Variants in CARD16 observed in about 807,000 individuals in gnomAD.
CARD16 encodes the protein caspase recruitment domain family member 16, also known as caspase recruitment domain-containing protein 16.
CARD16 carries 8 observed loss-of-function variants against 11.9 expected under a neutral mutation model. The ratio of observed to expected loss-of-function variants is 0.67; its 90% confidence interval spans 0.39 to 1.21. The LOEUF is 1.21. Among genes scored for constraint, CARD16 ranks in the 50% most tolerant of loss-of-function variants. The pLI, the probability that CARD16 is intolerant of heterozygous loss-of-function variation, is 0.01. For synonymous variants in CARD16, 44 were observed against 43.8 expected, an observed-to-expected ratio of 1.00 and a Z score of -0.02; for missense variants, 131 against 118.1, an observed-to-expected ratio of 1.11 and a Z score of -0.51.
rs1268425887 is a variant in CARD16 at position 105,041,610 on chromosome 11, C to T, written c.*153G>A. Reference sequence around the variant, plus strand: ...TTGTATTCTGAACATGGCACCTCTGCAACTTTTGTTTCCATATCCTTTGAG... The same window carrying T: ...TTGTATTCTGAACATGGCACCTCTGTAACTTTTGTTTCCATATCCTTTGAG... On this transcript the variant is annotated 3_prime_UTR_variant, in exon 4 of 4. Coordinates refer to ENST00000673097, the MANE Select transcript of CARD16 (RefSeq NM_052889.4). The T allele has an allele frequency of 6.2e-7, 1 of 1,614,068 alleles. No individual in the cohort carries two copies. Among genetic ancestry groups the T allele is most frequent in the Admixed American group, 1.7e-5 (1 of 59,992 alleles).
intron 3 of CARD16, among the ~76,000 whole-genome samples, chr11:105,041,998 T>C (rs1864120296): frequency 6.6e-6 from 1 of 152,168 alleles, no homozygotes; most frequent in Non-Finnish European, 1.5e-5. Context: ...CCATGCATGA[T>C]AAAACACTCA....
In CARD16 at chr11:105,044,656, T is replaced by C. The variant is rs752550232; in HGVS notation, c.10A>G (p.Lys4Glu). ...AGCTTTCTCTTCTCCTTCAGGACCT[T>C]GTCTGTTTGGAGCACAAGGATTTCT... MAD[K>E]VLKEKRKLFI... The change falls in exon 2 of 4, where the codon AAG (lysine) becomes GAG (glutamate). Residue 4 changes from lysine (K) to glutamate (E), a missense_variant and splice_region_variant. Lys to Glu is a moderately conservative substitution (Grantham distance 56). Coordinates refer to ENST00000673097, the MANE Select transcript of CARD16 (RefSeq NM_052889.4). 3 of 1,613,948 alleles carry C rather than the reference T, an allele frequency of 1.9e-6. No individual in the cohort carries two copies. Among genetic ancestry groups the C allele is most frequent in the Non-Finnish European group, 2.5e-6 (3 of 1,179,856 alleles).
chr11:105,044,931 T>C (rs1864173149), intron 1 of CARD16: 3 of 629,472 alleles, frequency 4.8e-6, no homozygotes, highest in Non-Finnish European at 8.2e-6. Context: ...TTTATTTAAC[T>C]CTGAATAATA....
intron 2 of CARD16, 57 bp from the exon 3 acceptor site, chr11:105,043,602 A>G: frequency 8.3e-7 from 1 of 1,208,704 alleles, no homozygotes; most frequent in Non-Finnish European, 1.2e-6. Context: ...AAAACTTTAC[A>G]GCAATGCATA....
In CARD16 at chr11:105,044,568, C is replaced by T. The variant is rs992599677; in HGVS notation, c.98G>A (p.Arg33Lys). The T allele has an allele frequency of 6.2e-7, 1 of 1,614,142 alleles. No homozygotes were observed. ...CTCCATCTCTTCCTGGTTCAGCACC[C>T]TTGTCTGTAATAATTCATCCAGTAA... is the stretch of plus-strand genomic sequence containing the variant. ...NGLLDELLQTRVLNQEEMEKV... is the reference protein window; with the variant it reads ...NGLLDELLQTKVLNQEEMEKV... Residue 33 changes from arginine (R) to lysine (K), a missense_variant, in exon 2 of 4, where the codon AGG (arginine) becomes AAG (lysine). Coordinates refer to ENST00000673097, the MANE Select transcript of CARD16 (RefSeq NM_052889.4).
chr11:105,042,513 G>A (rs907440027), intron 3 of CARD16, among the ~76,000 whole-genome samples: 6 of 152,060 alleles, frequency 3.9e-5, no homozygotes, highest in African/African-American at 1.4e-4. Context: ...GATATCCAGA[G>A]GATCTTTTAG....
chr11:105,041,629 C>G lies in CARD16; in HGVS notation c.*134G>C, dbSNP rs1565232378. ...CCTCTGCAACTTTTGTTTCCATATC[C>G]TTTGAGCGTCTTCTAGAAAGCAAAG... is the stretch of plus-strand genomic sequence containing the variant. On this transcript the variant is annotated 3_prime_UTR_variant, in exon 4 of 4. Transcript: ENST00000673097. 6.2e-7 allele frequency: 1 copy of G among 1,614,006 alleles called. No homozygotes were observed. The highest frequency in any genetic ancestry group is 1.7e-5 in the Admixed American group (1 of 59,990).
At chr11:105,044,335 A>G in intron 2 of CARD16, 57 bp downstream of exon 2, 1 of 1,610,130 alleles carries the variant, frequency 6.2e-7, no homozygotes, top group East Asian at 2.2e-5. Context: ...AAGAAATCAA[A>G]TGTTAGGCAC....
chr11:105,042,685 A>T (rs1274132579), intron 3 of CARD16, among the ~76,000 whole-genome samples: 1 of 152,188 alleles, frequency 6.6e-6, no homozygotes, highest in African/African-American at 2.4e-5. Context: ...TTAGTAGAAG[A>T]AATGTTTGGT....
intron 2 of CARD16, chr11:105,043,811 C>A: frequency 2.6e-6 from 1 of 390,984 alleles, no homozygotes; most frequent in Non-Finnish European, 4.6e-6. Context: ...GTATGATCTG[C>A]AGCTTGGCAA....
rs1270025034 is a variant in CARD16 at position 105,044,979 on chromosome 11, C to A, written c.7+312G>T. The A allele has an allele frequency of 1.2e-5, 7 of 598,054 alleles. No individual in the cohort carries two copies. The East Asian group carries it at 1.4e-4, about 12-fold the overall frequency. The allele number at this position is 598,054 out of a possible 1,614,324, so 37.0% of individuals were successfully genotyped here. The stretch of plus-strand genomic sequence containing the variant: ...AGAAATAGCCCATTTCATTTAGGAA[C>A]CACTGCTGCTAGTACTCCTCCTGTG... On this transcript the variant is annotated intron_variant, in intron 1 of 3. Coordinates refer to ENST00000673097, the MANE Select transcript of CARD16 (RefSeq NM_052889.4).
At chr11:105,044,752 G>A in intron 1 of CARD16, 94 bp from the exon 2 acceptor site, 2 of 1,548,798 alleles carry the variant, frequency 1.3e-6, no homozygotes, top group South Asian at 1.2e-5. Flanking sequence ...GATTTCATCA[G>A]TGAAATGTCC....
chr11:105,041,702 C>A lies in CARD16; in HGVS notation c.*61G>T. 1 of 1,613,782 alleles carries A rather than the reference C, an allele frequency of 6.2e-7. No individual in the cohort carries two copies. Among genetic ancestry groups the A allele is most frequent in the East Asian group, 2.2e-5 (1 of 44,876 alleles). ...GAGCATGTGGGCATAGCTGGGTTGT[C>A]CTGCACTGCCTGAAGAGCTGCAAGA... is the stretch of plus-strand genomic sequence containing the variant. On this transcript the variant is annotated 3_prime_UTR_variant, in exon 4 of 4. Transcript: ENST00000673097.
chr11:105,041,754 T>C, intron 3 of CARD16, 35 bp from the exon 4 acceptor site: 3 of 1,598,256 alleles, frequency 1.9e-6, no homozygotes, highest in Non-Finnish European at 2.6e-6. Context: ...AACAGTGGTA[T>C]CCCTCTTTGT....
chr11:105,043,557 T>C lies in CARD16; in HGVS notation c.275-12A>G, dbSNP rs1864145470. 1.3e-6 allele frequency: 2 copies of C among 1,589,022 alleles called. No homozygotes were observed. Among genetic ancestry groups the C allele is most frequent in the Non-Finnish European group, 1.7e-6 (2 of 1,158,534 alleles). ...TCCAGGTATCGGACCTATAAAAAGA[T>C]GAAGAACATTGAAATAGCCACTTAT... is the stretch of plus-strand genomic sequence containing the variant. On this transcript the variant is annotated splice_polypyrimidine_tract_variant and intron_variant, in intron 2 of 3. Coordinates refer to ENST00000673097, the MANE Select transcript of CARD16 (RefSeq NM_052889.4).
chr11:105,043,479 T>A lies in CARD16; in HGVS notation c.*43+4A>T. The A allele has an allele frequency of 6.3e-7, 1 of 1,598,434 alleles. No homozygotes were observed. Among genetic ancestry groups the A allele is most frequent in the Non-Finnish European group, 8.6e-7 (1 of 1,167,996 alleles). The stretch of plus-strand genomic sequence containing the variant: ...GAATGCTCTTCATTGAAAAACAACA[T>A]TACCTGGGAAGGAAGAAAATAGTAA... On this transcript the variant is annotated splice_donor_region_variant and intron_variant, in intron 3 of 3. Coordinates refer to ENST00000673097, the MANE Select transcript of CARD16 (RefSeq NM_052889.4).
At chr11:105,042,591 A>G (rs1193242547) in intron 3 of CARD16, among the ~76,000 whole-genome samples, 1 of 152,214 alleles carries the variant, frequency 6.6e-6, no homozygotes, top group Non-Finnish European at 1.5e-5. Context: ...ATACAATCAG[A>G]TAAACAAAGG....
intron 3 of CARD16, 73 bp downstream of exon 3, chr11:105,043,410 G>A: frequency 9.6e-7 from 1 of 1,039,606 alleles, no homozygotes. Context: ...CCTTCAAGCA[G>A]AGCTCATTCC....
In CARD16 at chr11:105,044,983, T is replaced by C. The variant is rs1864174356; in HGVS notation, c.7+308A>G. The C allele has an allele frequency of 5.0e-6, 3 of 598,142 alleles. No individual in the cohort carries two copies. The Admixed American group carries it at 9.0e-5, about 18-fold the overall frequency. 37.1% of individuals were successfully genotyped at this position (598,142 alleles called of 1,614,324 possible). The stretch of plus-strand genomic sequence containing the variant: ...ATAGCCCATTTCATTTAGGAACCAC[T>C]GCTGCTAGTACTCCTCCTGTGCCAA... On this transcript the variant is annotated intron_variant, in intron 1 of 3. Transcript: ENST00000673097.
Sources: allele counts gnomAD v4.1 joint callset (sites outside exome capture counted in the v4.1 genomes callset), GRCh38; gene constraint gnomAD v4.1.1; transcripts MANE v1.5; gene names NCBI Gene and HGNC (gene_info 2026-07-23, HGNC 2026-07-21).